The following ZAN variants were observed in gnomAD, a reference collection of about 807,000 sequenced individuals.
The protein encoded by ZAN is zonadhesin.
In ZAN, 260 loss-of-function variants were observed where a neutral mutation model predicts 286.2. The ratio of observed to expected loss-of-function variants is 0.91; its 90% CI spans 0.82 to 1.01. ZAN has a LOEUF of 1.01. ZAN is among the 50% of genes least tolerant of loss of function. ZAN has a pLI of 0.00. For missense variants in ZAN, 3,410 were observed against 3,639.2 expected (o/e 0.94, Z 1.62); for synonymous variants, 1,368 against 1,417.5 (o/e 0.97, Z 0.79).
At position 100,747,628 on chromosome 7, in the gene ZAN, T is replaced by A. The variant is rs1808324761; in HGVS notation, c.1010T>A (p.Val337Glu). Residue 337 changes from valine to glutamate, a missense_variant, in exon 9 of 48, where the codon GTG becomes GAG. Physicochemically the swap from Val to Glu is moderately radical, Grantham distance 121. Coordinates refer to ENST00000613979, the MANE Select transcript of ZAN (RefSeq NM_003386.3). ...GCTGTTTCTGTCAATTACACAGCCG[T>A]GGGACGGATACAGGTACAGAGAAGC... is the stretch of plus-strand genomic sequence containing the variant. ...WQAVSVNYTA[V>E]GRIQFAVVGV... 2 of 1,613,772 alleles carry A rather than the reference T, an allele frequency of 1.2e-6. No individual in the cohort carries two copies. Among genetic ancestry groups the A allele is most frequent in the Admixed American group, 1.7e-5 (1 of 59,998 alleles).
In ZAN at chr7:100,759,791, C is replaced by G. The variant is rs754279036; in HGVS notation, c.3642C>G (p.Val1214=). ...GQEGVSCLSK[V]YVTLPESTVT... ...AAGGCGTGTCCTGCCTGAGCAAAGTCTACGTGACCCTGCCCGAGAGCACCG... is the reference window on the plus strand; with the variant it reads ...AAGGCGTGTCCTGCCTGAGCAAAGTGTACGTGACCCTGCCCGAGAGCACCG... Residue 1214 remains valine, a synonymous_variant, in exon 18 of 48, where the codon GTC becomes GTG. Coordinates refer to ENST00000613979, the MANE Select transcript of ZAN (RefSeq NM_003386.3). 2 of 1,608,066 alleles carry G rather than the reference C, an allele frequency of 1.2e-6. No individual in the cohort carries two copies. The highest frequency in any genetic ancestry group is 8.5e-7 in the Non-Finnish European group (1 of 1,177,558).
intron 32 of ZAN, 22 bp from the exon 33 acceptor site, chr7:100,775,646 AC>A: frequency 6.2e-7 from 1 of 1,612,798 alleles, no homozygotes; most frequent in Non-Finnish European, 8.5e-7. Context: ...GCTCCTACTC[AC>A]CGTCACTGTC....
chr7:100,739,016 CT>C lies in ZAN; in HGVS notation c.766+416del, dbSNP rs552578538. Among the ~76,000 whole-genome samples, 213 of 76,528 alleles carry C rather than the reference CT, an allele frequency of 2.8e-3. 36 individuals carry two copies. Among genetic ancestry groups the C allele is most frequent in the African/African-American group, 7.4e-3 (183 of 24,736 alleles). 50.2% of individuals were successfully genotyped at this position (76,528 alleles called of 152,430 possible). On this transcript the variant is annotated intron_variant, in intron 7 of 47. Coordinates refer to ENST00000613979, the MANE Select transcript of ZAN (RefSeq NM_003386.3). Reference sequence around the variant, plus strand: ...CCTTCTCCTTCTCCTTCTTCTTTTTCTTTTTTTTTTTTTGAAGCAGAGTCTC... The same window carrying C: ...CCTTCTCCTTCTCCTTCTTCTTTTTCTTTTTTTTTTTTGAAGCAGAGTCTC...
At chr7:100,796,373 A>G (rs893116891) in intron 45 of ZAN, among the ~76,000 whole-genome samples, 7 of 149,372 alleles carry the variant, frequency 4.7e-5, no homozygotes, top group Non-Finnish European at 7.4e-5. Flanking sequence ...TCCAGGACAC[A>G]CTCTGAAAGA....
chr7:100,745,400 C>A (rs926879885), intron 7 of ZAN, among the ~76,000 whole-genome samples: 4 of 151,716 alleles, frequency 2.6e-5, no homozygotes, highest in Non-Finnish European at 4.4e-5. Context: ...GCGCTCCCCA[C>A]GAGTGGCAGC....
At chr7:100,747,480 C>G in intron 8 of ZAN, 70 bp from the exon 9 acceptor site, 1 of 1,314,330 alleles carries the variant, frequency 7.6e-7, no homozygotes, top group Non-Finnish European at 1.1e-6. Context: ...CCTCATCCTC[C>G]TAGGTATAGT....
chr7:100,736,886 G>A lies in ZAN; in HGVS notation c.331G>A (p.Glu111Lys). The A allele has an allele frequency of 2.0e-6, 3 of 1,487,924 alleles. 1 individual carries two copies. Among genetic ancestry groups the A allele is most frequent in the Non-Finnish European group, 2.8e-6 (3 of 1,089,764 alleles). 92.2% of individuals were successfully genotyped at this position (1,487,924 alleles called of 1,614,324 possible). Residue 111 changes from glutamate (E) to lysine (K), a missense_variant, in exon 5 of 48, where the codon GAG becomes AAG. Transcript: ENST00000613979. ...VARLLSPDLW[E>K]QGPLCVHFAH... Reference sequence around the variant, plus strand: ...CCGCCTGCTCAGCCCCGACCTATGGGAGCAAGGCCCCCTCTGTGTGCACTT... The same window carrying A: ...CCGCCTGCTCAGCCCCGACCTATGGAAGCAAGGCCCCCTCTGTGTGCACTT...
At position 100,788,150 on chromosome 7, in the gene ZAN, C is replaced by T; in HGVS notation, c.7227+14C>T. ...CTGGAGCTTGTGGTAAGAGCTGGGC[C>T]AGGGCCTGGTGGGTGTGGGGAGGCA... On this transcript the variant is annotated intron_variant, in intron 38 of 47. Coordinates refer to ENST00000613979, the MANE Select transcript of ZAN (RefSeq NM_003386.3). The T allele has an allele frequency of 1.4e-6, 2 of 1,471,274 alleles. No individual in the cohort carries two copies. The highest frequency in any genetic ancestry group is 1.8e-6 in the Non-Finnish European group (2 of 1,097,450). 91.1% of individuals were successfully genotyped at this position (1,471,274 alleles called of 1,614,324 possible).
intron 2 of ZAN, 107 bp from the exon 3 acceptor site, chr7:100,735,613 C>T: frequency 1.2e-6 from 1 of 861,452 alleles, no homozygotes; most frequent in Non-Finnish European, 1.8e-6. Context: ...ACTGCATAAA[C>T]ACTGATCATC....
chr7:100,773,057 C>T (rs948636788), intron 29 of ZAN, among the ~76,000 whole-genome samples: 4 of 151,714 alleles, frequency 2.6e-5, no homozygotes, highest in African/African-American at 9.7e-5. Context: ...GCGTGTGCCA[C>T]CACGCCTGGC....
At chr7:100,754,971 G>A (rs1809039278) in intron 14 of ZAN, among the ~76,000 whole-genome samples, 1 of 152,004 alleles carries the variant, frequency 6.6e-6, no homozygotes, top group African/African-American at 2.4e-5. Flanking sequence ...AATTTGTTTT[G>A]TAGGGATGGG....
At position 100,746,657 on chromosome 7, in the gene ZAN, G is replaced by A; in HGVS notation, c.886G>A (p.Gly296Ser). 6.2e-7 allele frequency: 1 copy of A among 1,613,892 alleles called. No individual in the cohort carries two copies. Among genetic ancestry groups the A allele is most frequent in the South Asian group, 1.1e-5 (1 of 91,086 alleles). The change falls in exon 8 of 48, where the codon GGC becomes AGC. Residue 296 changes from glycine (G) to serine (S), a missense_variant. Around this residue, in one of 7 missense-constraint regions of ZAN, gnomAD observed 872 missense variants for 938.9 expected, o/e 0.93. Transcript: ENST00000613979. ...CTTTTCCTTCCACTACATCCTCCGG[G>A]GCCAGTCTCCTGGTGCAGCCCTCCA... ...LSFSFHYILRGQSPGAALHIY... is the reference protein window; with the variant it reads ...LSFSFHYILRSQSPGAALHIY...
chr7:100,745,238 C>T (rs892832849), intron 7 of ZAN, among the ~76,000 whole-genome samples: 1 of 151,638 alleles, frequency 6.6e-6, no homozygotes, highest in Non-Finnish European at 1.5e-5. Flanking sequence ...TCCCTTCCCT[C>T]TTCCTTCCCG....
chr7:100,763,331 T>G lies in ZAN; in HGVS notation c.3987-475T>G, dbSNP rs1269455865. ...CTTTCTCCTCTCTACCCTGGAGACT[T>G]CAAGTTGTTCTTTCAGTTGCTCAAT... On this transcript the variant is annotated intron_variant, in intron 20 of 47. Transcript: ENST00000613979. The surrounding 1 kb of genome is among the most constrained non-coding windows in gnomAD (Gnocchi z 4.6). 2.0e-5 allele frequency among the ~76,000 whole-genome samples: 3 copies of G among 152,022 alleles called. No individual in the cohort carries two copies. Among genetic ancestry groups the G allele is most frequent in the African/African-American group, 7.2e-5 (3 of 41,398 alleles).
At chr7:100,768,135 A>G (rs890603307) in intron 26 of ZAN, 124 bp downstream of exon 26, 35 of 1,249,126 alleles carry the variant, frequency 2.8e-5, no homozygotes, top group Non-Finnish European at 3.8e-5. Flanking sequence ...TTCGTTGAGG[A>G]CATTAGGCAT....
chr7:100,765,785 A>T (rs1196576636), intron 23 of ZAN, among the ~76,000 whole-genome samples: 1 of 151,788 alleles, frequency 6.6e-6, no homozygotes, highest in Non-Finnish European at 1.5e-5. Context: ...AGTAGCTGGG[A>T]CTACAGGCAT....
chr7:100,747,538 C>T lies in ZAN; in HGVS notation c.932-12C>T, dbSNP rs749389322. 1.1e-5 allele frequency: 18 copies of T among 1,613,232 alleles called. No individual in the cohort carries two copies. The highest frequency in any genetic ancestry group is 1.4e-5 in the Non-Finnish European group (17 of 1,179,214). The stretch of plus-strand genomic sequence containing the variant: ...TTAAGCTCACTTCTCCTTCCAATTC[C>T]TTTCACTGCAGGGAGTATCCGGAAA... On this transcript the variant is annotated splice_polypyrimidine_tract_variant and intron_variant, in intron 8 of 47. Coordinates refer to ENST00000613979, the MANE Select transcript of ZAN (RefSeq NM_003386.3).
intron 40 of ZAN, 82 bp from the exon 41 acceptor site, chr7:100,791,884 T>C (rs763128008): frequency 1.8e-5 from 26 of 1,469,462 alleles, no homozygotes; most frequent in Non-Finnish European, 2.4e-5. Context: ...GCCACCACCA[T>C]GCCCGGCTAA....
At chr7:100,749,048 TA>T (rs2115773471) in intron 11 of ZAN, among the ~76,000 whole-genome samples, 1 of 150,828 alleles carries the variant, frequency 6.6e-6, no homozygotes, top group South Asian at 2.1e-4. Context: ...AAATTAAAAA[TA>T]AAAAAATAGG....
Sources: gnomAD v4.1 joint callset for allele counts (sites outside exome capture counted in the v4.1 genomes callset) on GRCh38, gnomAD v4.1.1 for gene constraint, gnomAD v4.1.1 regional missense constraint, Gnocchi (gnomAD v3.1) non-coding constraint, MANE v1.5 for transcripts, NCBI Gene and HGNC (gene_info 2026-07-23, HGNC 2026-07-21) for gene names.